Variants in NCALD observed in about 807,000 individuals in gnomAD.
The protein encoded by NCALD is neurocalcin-delta.
Under a neutral mutation model 18.6 loss-of-function variants are expected in NCALD, and 10 were observed. The observed-to-expected ratio is 0.54, with a 90% CI of 0.33 to 0.91. NCALD has a LOEUF of 0.91. NCALD is among the 40% of genes least tolerant of loss of function. NCALD has a pLI of 0.03. For missense variants in NCALD, 184 were observed against 247.6 expected, an observed-to-expected ratio of 0.74 and a Z score of 1.72; for synonymous variants, 88 against 87.4, an observed-to-expected ratio of 1.01 and a Z score of -0.04.
chr8:101,878,309 T>A (rs1816315610), intron 4 of NCALD, among the ~76,000 whole-genome samples: 1 of 152,224 alleles, frequency 6.6e-6, no homozygotes, highest in Non-Finnish European at 1.5e-5. Flanking sequence ...TGAAAAATGT[T>A]ACTCTGTCCC....
At chr8:102,079,940 G>A (rs1481707086) in intron 1 of NCALD, among the ~76,000 whole-genome samples, 1 of 152,174 alleles carries the variant, frequency 6.6e-6, no homozygotes, top group African/African-American at 2.4e-5. Context: ...AGCACATCCA[G>A]CAAAGTGCCA....
At chr8:101,964,322 G>A (rs1212984601) in intron 2 of NCALD, among the ~76,000 whole-genome samples, 2 of 152,160 alleles carry the variant, frequency 1.3e-5, no homozygotes, top group Non-Finnish European at 2.9e-5. Flanking sequence ...TATAGTATTA[G>A]TTAAGGTAAC....
chr8:102,013,672 AATTAATGATGTT>A (rs1821983420), intron 2 of NCALD, among the ~76,000 whole-genome samples: 1 of 152,122 alleles, frequency 6.6e-6, no homozygotes, highest in Non-Finnish European at 1.5e-5. Context: ...TTAAAAAAAA[AATTAATGATGTT>A]GCCAGATGTT....
chr8:101,807,237 G>T (rs1293015563), intron 4 of NCALD, among the ~76,000 whole-genome samples: 7 of 152,096 alleles, frequency 4.6e-5, no homozygotes, highest in Non-Finnish European at 8.8e-5. Context: ...TATAAAAGAT[G>T]TCACAAATGC....
chr8:102,062,578 T>C (rs1183964947), intron 1 of NCALD, among the ~76,000 whole-genome samples: 2 of 152,208 alleles, frequency 1.3e-5, no homozygotes, highest in Non-Finnish European at 2.9e-5. Flanking sequence ...ACAACAATGC[T>C]GTGTGTCACA....
chr8:101,940,694 T>C (rs1407289509), intron 2 of NCALD, among the ~76,000 whole-genome samples: 2 of 152,102 alleles, frequency 1.3e-5, no homozygotes, highest in Non-Finnish European at 2.9e-5. Flanking sequence ...GGAGACAAGC[T>C]CTAGGTTTGG....
intron 4 of NCALD, among the ~76,000 whole-genome samples, chr8:101,879,828 A>T (rs1816405055): frequency 6.6e-6 from 1 of 152,206 alleles, no homozygotes; most frequent in African/African-American, 2.4e-5. Context: ...AGCTAGACAC[A>T]GGCTGCTGAC....
Position 102,005,820 on chromosome 8 carries a change from T to C in NCALD, c.-157+14417A>G, listed in dbSNP as rs568783164. On this transcript the variant is annotated intron_variant, in intron 2 of 6. Coordinates refer to the NCALD transcript ENST00000311028. ...GCATGTTCTCACTCATAGGTGGGAA[T>C]TGAACAATGAGAACACATGGACACA... 4.7e-3 allele frequency among the ~76,000 whole-genome samples: 662 copies of C among 140,850 alleles called. 2 individuals carry two copies. The highest frequency in any genetic ancestry group is 0.016 in the African/African-American group (583 of 37,604). The allele number at this position is 140,850 out of a possible 152,430, so 92.4% of individuals were successfully genotyped here.
rs114085109 is a variant in NCALD, at chr8:101,999,551, C to T, written c.-157+20686G>A. Among the ~76,000 whole-genome samples, 1,113 of 152,190 alleles carry T rather than the reference C, an allele frequency of 7.3e-3. 14 individuals are homozygous for T. Among genetic ancestry groups the T allele is most frequent in the African/African-American group, 0.022 (915 of 41,514 alleles). On this transcript the variant is annotated intron_variant, in intron 2 of 6. Transcript: ENST00000311028. ...TAGGGAGGTGAGGAATAAAAGACTA[C>T]ACCTTGGGTACAGTGTACACTGCTT... is the stretch of plus-strand genomic sequence containing the variant.
In NCALD at chr8:102,037,179, C is replaced by T. The variant is rs77071640; in HGVS notation, c.-209-16890G>A. On this transcript the variant is annotated intron_variant, in intron 1 of 6. Transcript: ENST00000311028. The stretch of plus-strand genomic sequence containing the variant: ...AAATGGCAGGCTCTATTTTAAGCAA[C>T]TTATAAATATATTAACTTACTTAAA... 0.01 allele frequency among the ~76,000 whole-genome samples: 1,573 copies of T among 152,180 alleles called. 67 individuals carry two copies. In the East Asian group the frequency reaches 0.12, roughly 11 times the overall value.
intron 1 of NCALD, among the ~76,000 whole-genome samples, chr8:101,770,942 A>C (rs1811561579): frequency 6.6e-6 from 1 of 152,246 alleles, no homozygotes; most frequent in African/African-American, 2.4e-5. Flanking sequence ...GTGTGATAAT[A>C]AGGTTTAAAT....
In NCALD at chr8:101,847,225, CCTT is replaced by C. The variant is rs143131725; in HGVS notation, c.-20+39913_-20+39915del. 145 of 200,540 alleles carry C rather than the reference CCTT, an allele frequency of 7.2e-4. 1 individual carries two copies. Among genetic ancestry groups the C allele is most frequent in the African/African-American group, 3.1e-3 (134 of 43,160 alleles). The allele number at this position is 200,540 out of a possible 1,614,324, so 12.4% of individuals were successfully genotyped here. Reference sequence around the variant, plus strand: ...CACCACAAATGGCTCAATTCCTTTCCCTTCTTCTTCTTTTTTTTTTCCCCAAGT... The same window carrying C: ...CACCACAAATGGCTCAATTCCTTTCCCTTCTTCTTTTTTTTTTCCCCAAGT... On this transcript the variant is annotated intron_variant, in intron 4 of 6. Transcript: ENST00000311028.
chr8:101,830,595 T>C (rs1033748812), intron 4 of NCALD, among the ~76,000 whole-genome samples: 2 of 151,888 alleles, frequency 1.3e-5, no homozygotes, highest in Non-Finnish European at 2.9e-5. Flanking sequence ...TTAGCTCAGA[T>C]GACATTGTCA....
At chr8:101,969,113 G>A (rs1199004217) in intron 2 of NCALD, among the ~76,000 whole-genome samples, 1 of 152,198 alleles carries the variant, frequency 6.6e-6, no homozygotes, top group Admixed American at 6.5e-5. Flanking sequence ...GCTGAGCCGA[G>A]CACACCACCT....
At chr8:101,896,312 A>T (rs1290319801) in intron 3 of NCALD, among the ~76,000 whole-genome samples, 1 of 152,060 alleles carries the variant, frequency 6.6e-6, no homozygotes, top group Non-Finnish European at 1.5e-5. Flanking sequence ...GGCTAGCCAT[A>T]TGTAGAAAGC....
In NCALD at chr8:101,892,925, C is replaced by T. The variant is rs370041128; in HGVS notation, c.-106-5698G>A. The stretch of plus-strand genomic sequence containing the variant: ...AAGTGATGGGGAGAATGGAACCAAG[C>T]TGGAAAACACTCTGCAGGATATTAT... On this transcript the variant is annotated intron_variant, in intron 3 of 6. Transcript: ENST00000311028. 2.0e-3 allele frequency among the ~76,000 whole-genome samples: 282 copies of T among 142,208 alleles called. 1 individual carries two copies. Among genetic ancestry groups the T allele is most frequent in the African/African-American group, 5.7e-3 (196 of 34,410 alleles). 93.3% of individuals were successfully genotyped at this position (142,208 alleles called of 152,430 possible).
At chr8:101,853,770 T>C (rs766689982) in intron 4 of NCALD, among the ~76,000 whole-genome samples, 3 of 152,270 alleles carry the variant, frequency 2.0e-5, no homozygotes, top group South Asian at 2.1e-4. Flanking sequence ...GAAAACTCAA[T>C]AGCCTCCTCT....
rs1815733546 is a variant in NCALD at position 101,865,585 on chromosome 8, TC to T, written c.-20+21555del. On this transcript the variant is annotated intron_variant, in intron 4 of 6. Coordinates refer to the NCALD transcript ENST00000311028. ...ATACTGTGTGGAAATCCTCTGGGGTTCCCTTTCTCCTCTCTCTCTCTTTCTC... is the reference window on the plus strand; with the variant it reads ...ATACTGTGTGGAAATCCTCTGGGGTTCCTTTCTCCTCTCTCTCTCTTTCTC... Among the ~76,000 whole-genome samples the T allele has an allele frequency of 2.0e-5, 3 of 152,084 alleles. No individual in the cohort carries two copies. The South Asian group carries it at 6.3e-4, about 32-fold the overall frequency.
At chr8:102,044,207 A>G (rs948577781) in intron 1 of NCALD, among the ~76,000 whole-genome samples, 2 of 152,042 alleles carry the variant, frequency 1.3e-5, no homozygotes, top group African/African-American at 4.8e-5. Context: ...CCTAACAAAG[A>G]CTGGAAGAAA....
Sources: gnomAD v4.1 joint callset for allele counts (sites outside exome capture counted in the v4.1 genomes callset) on GRCh38, gnomAD v4.1.1 for gene constraint, MANE v1.5 for transcripts, NCBI Gene and HGNC (gene_info 2026-07-23, HGNC 2026-07-21) for gene names.